Variants in LRRC37A2 observed in about 807,000 individuals in gnomAD.
LRRC37A2 encodes the protein leucine rich repeat containing 37 member A2, also known as leucine-rich repeat-containing protein 37A2.
Under a neutral mutation model 68.8 loss-of-function variants are expected in LRRC37A2, and 9 were observed. That is an observed-to-expected ratio of 0.13 (90% confidence interval 0.08 to 0.23). LRRC37A2 has a LOEUF of 0.23. Ranked by LOEUF, LRRC37A2 falls within the 10% of genes least tolerant of loss-of-function variation. The pLI, the probability that LRRC37A2 is intolerant of heterozygous loss-of-function variation, is 1.00. For synonymous variants in LRRC37A2, 63 were observed against 367.6 expected, an observed-to-expected ratio of 0.17 and a Z score of 9.48; for missense variants, 168 against 950.4, an observed-to-expected ratio of 0.18 and a Z score of 10.82.
chr17:46,504,886 AT>A, the LRRC37A2 span, among the ~76,000 whole-genome samples: 1 of 124,482 alleles, frequency 8.0e-6, no homozygotes, highest in African/African-American at 3.3e-5. Context: ...TAATAAATTG[AT>A]TTAATACATT....
chr17:46,876,651 A>G, the LRRC37A2 span: 2 of 1,606,602 alleles, frequency 1.2e-6, no homozygotes, highest in South Asian at 1.1e-5. Context: ...TGCCAGGTGC[A>G]GTGGTGCTGC....
the LRRC37A2 span, chr17:46,710,891 A>G: frequency 8.0e-6 from 11 of 1,382,198 alleles, no homozygotes; most frequent in African/African-American, 1.5e-5. Context: ...TGTACGGATT[A>G]TAACTCGTCT....
At chr17:46,865,290 C>T in the LRRC37A2 span, among the ~76,000 whole-genome samples, 4 of 152,232 alleles carry the variant, frequency 2.6e-5, no homozygotes, top group East Asian at 1.9e-4. Flanking sequence ...CCCCTGAGCA[C>T]GTCTCCCTGA....
chr17:46,534,649 C>T lies in LRRC37A2; in HGVS notation c.2907-5527C>T, dbSNP rs548597735. On this transcript the variant is annotated intron_variant, in intron 6 of 14. Transcript: ENST00000576629. ...TTTCTGTATCTTTTCCCCACATTTC[C>T]CCCTTTTCTATTCAACAAAACCACC... 2.1e-3 allele frequency among the ~76,000 whole-genome samples: 310 copies of T among 148,942 alleles called. 3 individuals carry two copies. The highest frequency in any genetic ancestry group is 7.7e-3 in the African/African-American group (302 of 38,990).
the LRRC37A2 span, among the ~76,000 whole-genome samples, chr17:46,902,562 A>C: frequency 3.9e-5 from 6 of 152,208 alleles, no homozygotes; most frequent in South Asian, 1.2e-3. Context: ...AACAACAAAC[A>C]AGGAGCAGTT....
At chr17:46,957,369 T>A in the LRRC37A2 span, among the ~76,000 whole-genome samples, 2 of 151,952 alleles carry the variant, frequency 1.3e-5, no homozygotes, top group Non-Finnish European at 2.9e-5. Context: ...TCCCAGCAAT[T>A]TGGGAGGCTG....
the LRRC37A2 span, chr17:46,929,591 A>G: frequency 7.1e-7 from 1 of 1,404,128 alleles, no homozygotes; most frequent in East Asian, 2.3e-5. Context: ...CACAGTGAGT[A>G]ATTAACTGTG....
chr17:46,768,035 A>G, the LRRC37A2 span, among the ~76,000 whole-genome samples: 3 of 152,010 alleles, frequency 2.0e-5, no homozygotes, highest in African/African-American at 7.2e-5. This position sits in a 1 kb window ranked among gnomAD's most constrained non-coding sequence, Gnocchi z 5.0. Context: ...TGATCCGTCC[A>G]CCTCGGCCTC....
At chr17:46,849,112 C>T in the LRRC37A2 span, among the ~76,000 whole-genome samples, 5 of 152,180 alleles carry the variant, frequency 3.3e-5, no homozygotes, top group African/African-American at 1.2e-4. Context: ...AAACCTGGTA[C>T]AGTTCTAACA....
the LRRC37A2 span, chr17:47,017,143 A>G: frequency 1.9e-6 from 3 of 1,605,164 alleles, no homozygotes; most frequent in Non-Finnish European, 2.6e-6. Flanking sequence ...TCATAAAGAC[A>G]GGGCGGGACT....
chr17:47,017,405 T>TCCCCATGCGCCTACTCTCCCAGCAGACC, the LRRC37A2 span: 1 of 1,462,040 alleles, frequency 6.8e-7, no homozygotes, highest in Non-Finnish European at 9.5e-7. Flanking sequence ...CACGGGAATC[T>TCCCCATGCGCCTACTCTCCCAGCAGACC]CCCCATGCGC....
the LRRC37A2 span, among the ~76,000 whole-genome samples, chr17:46,782,782 G>T: frequency 6.6e-6 from 1 of 152,250 alleles, no homozygotes; most frequent in Non-Finnish European, 1.5e-5. Context: ...GCTTGGCAGG[G>T]AGCTTGTGAC....
At chr17:46,823,086 A>AACAC in the LRRC37A2 span, among the ~76,000 whole-genome samples, 1 of 131,862 alleles carries the variant, frequency 7.6e-6, no homozygotes, top group Non-Finnish European at 1.5e-5. Context: ...ATTTATAATA[A>AACAC]ATATGTATTA....
the LRRC37A2 span, chr17:46,934,938 C>G: frequency 8.7e-7 from 1 of 1,151,794 alleles, no homozygotes; most frequent in Admixed American, 1.7e-5. Flanking sequence ...TCCGGCTGTT[C>G]TGGCTTGGCC....
the LRRC37A2 span, among the ~76,000 whole-genome samples, chr17:46,633,970 A>G: frequency 5.1e-5 from 2 of 39,292 alleles, no homozygotes; most frequent in Non-Finnish European, 8.0e-5. Context: ...TCCCAGGTTC[A>G]AGCGATTCTC....
chr17:46,764,669 G>A, the LRRC37A2 span: 5 of 152,254 alleles, frequency 3.3e-5, no homozygotes, highest in African/African-American at 1.2e-4. Flanking sequence ...TCCATTCCCA[G>A]AGACCACCCA....
chr17:46,923,430 G>A, the LRRC37A2 span: 1 of 1,433,924 alleles, frequency 7.0e-7, no homozygotes, highest in Non-Finnish European at 9.1e-7. Flanking sequence ...CTGGAGACGT[G>A]GGGCAGATGA....
At chr17:46,745,619 A>G in the LRRC37A2 span, among the ~76,000 whole-genome samples, 8 of 152,164 alleles carry the variant, frequency 5.3e-5, no homozygotes, top group African/African-American at 1.9e-4. Flanking sequence ...TAGGGCCAAC[A>G]TTGTCCTTTG....
the LRRC37A2 span, among the ~76,000 whole-genome samples, chr17:46,720,586 G>C: frequency 6.6e-6 from 1 of 152,158 alleles, no homozygotes; most frequent in Non-Finnish European, 1.5e-5. Flanking sequence ...TTAGAAACGA[G>C]ATTATTACTG....
Sources: allele counts gnomAD v4.1 joint callset (sites outside exome capture counted in the v4.1 genomes callset), GRCh38; gene constraint gnomAD v4.1.1; non-coding constraint Gnocchi (gnomAD v3.1); transcripts MANE v1.5; gene names NCBI Gene and HGNC (gene_info 2026-07-23, HGNC 2026-07-21).